The following WWOX variants were observed in gnomAD, a reference collection of about 807,000 sequenced individuals.
WWOX encodes WW domain-containing oxidoreductase.
In WWOX, 69 loss-of-function variants were observed where a neutral mutation model predicts 46.2. That is an observed-to-expected ratio of 1.49 (90% confidence interval 1.23 to 1.82). The LOEUF is 1.82. Ranked by LOEUF, WWOX falls within the 40% of genes most tolerant of loss-of-function variation. The pLI is 0.00. For synonymous variants in WWOX, 359 were observed against 202.6 expected (o/e 1.77, Z -6.56); for missense variants, 919 against 542.6 (o/e 1.69, Z -6.89).
chr16:78,623,630 G>A lies in WWOX; in HGVS notation c.1056+190878G>A, dbSNP rs139704926. On this transcript the variant is annotated intron_variant, in intron 8 of 8. Transcript: ENST00000566780. Reference sequence around the variant, plus strand: ...GAGAGGCAGGGGTTGCAGTGAGTGCGGTGGCAGCTGGGACATTAACCAAGT... The same window carrying A: ...GAGAGGCAGGGGTTGCAGTGAGTGCAGTGGCAGCTGGGACATTAACCAAGT... Among the ~76,000 whole-genome samples the A allele has an allele frequency of 6.4e-3, 973 of 151,912 alleles. 13 individuals are homozygous for A. The highest frequency in any genetic ancestry group is 0.022 in the African/African-American group (924 of 41,418).
intron 8 of WWOX, among the ~76,000 whole-genome samples, chr16:78,674,530 C>T (rs917229323): frequency 6.6e-6 from 1 of 152,094 alleles, no homozygotes; most frequent in Admixed American, 6.5e-5. Context: ...GGTGATCCAC[C>T]CTCCTCAGCC....
At chr16:78,358,189 C>A (rs12925811) in intron 5 of WWOX, among the ~76,000 whole-genome samples, 5,070 of 152,218 alleles carry the variant, frequency 0.033, 118 homozygotes, top group African/African-American at 0.059. Context: ...AACAATTCTC[C>A]TATCGAAAGA....
At chr16:78,708,922 TAAAA>T (rs1339109234) in intron 8 of WWOX, among the ~76,000 whole-genome samples, 1 of 152,082 alleles carries the variant, frequency 6.6e-6, no homozygotes, top group Non-Finnish European at 1.5e-5. Flanking sequence ...GTCAGAAAAA[TAAAA>T]AGAAGGCAGG....
At chr16:78,484,674 C>G (rs1337451913) in intron 8 of WWOX, among the ~76,000 whole-genome samples, 1 of 152,120 alleles carries the variant, frequency 6.6e-6, no homozygotes, top group African/African-American at 2.4e-5. Flanking sequence ...AGGCAGGAGT[C>G]TCTAAGCAGG....
chr16:78,543,050 A>G (rs759990125), intron 8 of WWOX, among the ~76,000 whole-genome samples: 1 of 152,222 alleles, frequency 6.6e-6, no homozygotes, highest in Non-Finnish European at 1.5e-5. Flanking sequence ...AGGGCATAGT[A>G]CACATATTTG....
intron 8 of WWOX, among the ~76,000 whole-genome samples, chr16:78,477,345 A>G (rs2084375457): frequency 6.6e-6 from 1 of 152,170 alleles, no homozygotes; most frequent in Admixed American, 6.5e-5. Flanking sequence ...AAATCCTTTA[A>G]TTGAATTTCC....
chr16:78,555,397 G>T lies in WWOX; in HGVS notation c.1056+122645G>T, dbSNP rs189084930. 2.5e-3 allele frequency among the ~76,000 whole-genome samples: 385 copies of T among 152,254 alleles called. 3 individuals are homozygous for T. The highest frequency in any genetic ancestry group is 0.012 in the South Asian group (56 of 4,828). On this transcript the variant is annotated intron_variant, in intron 8 of 8. Coordinates refer to ENST00000566780, the MANE Select transcript of WWOX (RefSeq NM_016373.4). ...TATTGTTGAATACTTGGAAGGCGAT[G>T]TGTATAGCATACAGAGCTGCAGCTT...
chr16:78,773,372 T>A (rs933648399), intron 8 of WWOX, among the ~76,000 whole-genome samples: 1 of 152,204 alleles, frequency 6.6e-6, no homozygotes, highest in Non-Finnish European at 1.5e-5. Context: ...TAGCTTGGAA[T>A]GGACCATCCT....
intron 5 of WWOX, among the ~76,000 whole-genome samples, chr16:78,311,794 G>C (rs1047948752): frequency 6.6e-6 from 1 of 152,044 alleles, no homozygotes; most frequent in East Asian, 1.9e-4. Context: ...GCCTGGCGGG[G>C]GGGTATTCAT....
intron 4 of WWOX, among the ~76,000 whole-genome samples, chr16:78,143,712 A>G (rs947024596): frequency 1.3e-5 from 2 of 149,428 alleles, no homozygotes; most frequent in Non-Finnish European, 3.0e-5. Flanking sequence ...TTTCAGAATT[A>G]TTAAGAAAAC....
chr16:78,346,460 T>C (rs1369185262), intron 5 of WWOX, among the ~76,000 whole-genome samples: 1 of 119,876 alleles, frequency 8.3e-6, no homozygotes, highest in African/African-American at 2.8e-5. Flanking sequence ...ATGTATAACT[T>C]TTTAAGAGGT....
At chr16:78,825,805 C>G (rs904485263) in intron 8 of WWOX, 10 of 594,502 alleles carry the variant, frequency 1.7e-5, no homozygotes, top group Admixed American at 1.4e-4. Flanking sequence ...ATGTGCTGCT[C>G]AGATAGGGTT....
chr16:78,411,114 T>G (rs947603062), intron 6 of WWOX, among the ~76,000 whole-genome samples: 1 of 152,138 alleles, frequency 6.6e-6, no homozygotes, highest in Non-Finnish European at 1.5e-5. Context: ...TTGTCCATGA[T>G]TTTTTCTATA....
At chr16:78,107,204 C>T (rs772764599) in intron 1 of WWOX, among the ~76,000 whole-genome samples, 6 of 152,132 alleles carry the variant, frequency 3.9e-5, no homozygotes, top group Non-Finnish European at 7.3e-5. Flanking sequence ...GCCTACCCTT[C>T]GAATACCTCT....
chr16:79,120,724 G>C (rs754657790), intron 8 of WWOX, among the ~76,000 whole-genome samples: 3 of 152,086 alleles, frequency 2.0e-5, no homozygotes, highest in Non-Finnish European at 4.4e-5. Context: ...ATGGTCACTT[G>C]GACTTCCCTT....
chr16:78,261,220 A>G (rs1380615900), intron 5 of WWOX, among the ~76,000 whole-genome samples: 2 of 150,806 alleles, frequency 1.3e-5, no homozygotes, highest in Non-Finnish European at 3.0e-5. Flanking sequence ...TGTTCATTCT[A>G]GTCCTGCACG....
At chr16:78,559,163 G>C (rs537181309) in intron 8 of WWOX, among the ~76,000 whole-genome samples, 2 of 152,322 alleles carry the variant, frequency 1.3e-5, no homozygotes, top group African/African-American at 4.8e-5. Context: ...AGCAGTTACA[G>C]CAAGATTCTA....
At chr16:79,020,444 A>G (rs1463252176) in intron 8 of WWOX, among the ~76,000 whole-genome samples, 2 of 152,190 alleles carry the variant, frequency 1.3e-5, no homozygotes, top group African/African-American at 2.4e-5. Flanking sequence ...GTTTCTTCAT[A>G]TATAAAATGG....
intron 1 of WWOX, among the ~76,000 whole-genome samples, chr16:78,104,231 AACACACACACACACACACACACACAC>A (rs376622174): frequency 2.3e-5 from 3 of 130,124 alleles, no homozygotes; most frequent in Admixed American, 1.5e-4. Flanking sequence ...CTGTGCTCAA[AACACACACACACACACACACACACAC>A]ACACACACAC....
Sources: gnomAD v4.1 joint callset for allele counts (sites outside exome capture counted in the v4.1 genomes callset) on GRCh38, gnomAD v4.1.1 for gene constraint, MANE v1.5 for transcripts, NCBI Gene and HGNC (gene_info 2026-07-23, HGNC 2026-07-21) for gene names.